The following EEF1AKMT1 variants were observed in gnomAD, a reference collection of about 807,000 sequenced individuals.
The protein encoded by EEF1AKMT1 is EEF1A lysine methyltransferase 1, also known as N-6 adenine-specific DNA methyltransferase 2 (putative).
EEF1AKMT1 carries 18 observed loss-of-function variants against 21.0 expected under a neutral mutation model. The observed-to-expected ratio is 0.86, with a 90% confidence interval of 0.59 to 1.27. EEF1AKMT1 has a LOEUF of 1.27. EEF1AKMT1 is among the 50% of genes most tolerant of loss of function. EEF1AKMT1 has a pLI of 0.00. For synonymous variants in EEF1AKMT1, 109 were observed against 94.8 expected, an observed-to-expected ratio of 1.15 and a Z score of -0.87; for missense variants, 246 against 258.6, an observed-to-expected ratio of 0.95 and a Z score of 0.33.
At chr13:20,738,975 C>T (rs774167102) in intron 2 of EEF1AKMT1, among the ~76,000 whole-genome samples, 9 of 152,304 alleles carry the variant, frequency 5.9e-5, no homozygotes, top group Middle Eastern at 3.4e-3. Flanking sequence ...TGGACCCTCA[C>T]GATGAGTGTG....
At chr13:20,759,611 A>C (rs9552273) in intron 1 of EEF1AKMT1, among the ~76,000 whole-genome samples, 42,941 of 129,182 alleles carry the variant, frequency 0.33, 7,621 homozygotes, top group East Asian at 0.76. Flanking sequence ...AACGAAACAA[A>C]AAAAAAAAGA....
intron 2 of EEF1AKMT1, among the ~76,000 whole-genome samples, chr13:20,739,692 T>C (rs913667640): frequency 2.0e-5 from 3 of 152,208 alleles, no homozygotes; most frequent in African/African-American, 4.8e-5. Context: ...TACAATCCTT[T>C]AGCTAGACAC....
intron 1 of EEF1AKMT1, among the ~76,000 whole-genome samples, chr13:20,764,064 A>C (rs756070369): frequency 1.3e-4 from 20 of 151,992 alleles, no homozygotes; most frequent in Non-Finnish European, 2.8e-4. Context: ...AAGTTTTTGC[A>C]TCATTGACTT....
intron 4 of EEF1AKMT1, among the ~76,000 whole-genome samples, chr13:20,729,487 TAC>T (rs71198993): frequency 5.6e-4 from 84 of 150,618 alleles, no homozygotes; most frequent in East Asian, 2.9e-3. Flanking sequence ...AAGCAGATTA[TAC>T]ACACACACAC....
At chr13:20,752,012 T>C (rs985796954) in intron 2 of EEF1AKMT1, among the ~76,000 whole-genome samples, 1 of 152,176 alleles carries the variant, frequency 6.6e-6, no homozygotes, top group Admixed American at 6.5e-5. Context: ...TGCAATCTTA[T>C]TGAATTTATA....
At chr13:20,770,768 C>A (rs2059058662) in intron 1 of EEF1AKMT1, among the ~76,000 whole-genome samples, 1 of 151,966 alleles carries the variant, frequency 6.6e-6, no homozygotes, top group Admixed American at 6.6e-5. Context: ...ACAATACTGC[C>A]TAGAACTGAA....
chr13:20,741,311 G>C (rs1293922466), intron 2 of EEF1AKMT1, among the ~76,000 whole-genome samples: 1 of 151,866 alleles, frequency 6.6e-6, no homozygotes, highest in Non-Finnish European at 1.5e-5. Context: ...TCTCATCTTT[G>C]CTCCAGTTCC....
chr13:20,753,295 G>A (rs28830547), intron 2 of EEF1AKMT1, among the ~76,000 whole-genome samples: 14,162 of 152,138 alleles, frequency 0.093, 808 homozygotes, highest in Non-Finnish European at 0.13. Context: ...GACCTGAGAA[G>A]ATATCTGACA....
In EEF1AKMT1 at chr13:20,757,524, A is replaced by G; in HGVS notation, c.75T>C (p.Ala25=). Reference sequence around the variant, plus strand: ...CTGGCTCAATTTGTTGCTTTTGCTCAGCATAAAATTCCTGGAGAGCTGCTA... The same window carrying G: ...CTGGCTCAATTTGTTGCTTTTGCTCGGCATAAAATTCCTGGAGAGCTGCTA... The part of the protein sequence containing the change: ...HALAALQEFY[A]EQKQQIEPGE... Residue 25 remains alanine (A), a synonymous_variant, in exon 2 of 5, where the codon GCT becomes GCC. Coordinates refer to ENST00000382758, the MANE Select transcript of EEF1AKMT1 (RefSeq NM_001318939.2). The G allele has an allele frequency of 6.2e-7, 1 of 1,614,164 alleles. No individual in the cohort carries two copies. The highest frequency in any genetic ancestry group is 8.5e-7 in the Non-Finnish European group (1 of 1,180,014).
At chr13:20,756,291 G>C (rs2058971233) in intron 2 of EEF1AKMT1, among the ~76,000 whole-genome samples, 1 of 151,600 alleles carries the variant, frequency 6.6e-6, no homozygotes, top group South Asian at 2.1e-4. Context: ...AAAATTATAG[G>C]TTCCAGGTCA....
intron 4 of EEF1AKMT1, among the ~76,000 whole-genome samples, chr13:20,730,812 AAGCTGGCCACCCCGC>A (rs1485042127): frequency 2.0e-5 from 3 of 152,154 alleles, no homozygotes; most frequent in African/African-American, 7.2e-5. Context: ...GAGGGAATAA[AAGCTGGCCACCCCGC>A]AGCCAGCAGT....
In EEF1AKMT1 at chr13:20,757,541, G is replaced by A; in HGVS notation, c.58C>T (p.Leu20Phe). 1.2e-6 allele frequency: 2 copies of A among 1,614,122 alleles called. No individual in the cohort carries two copies. Among genetic ancestry groups the A allele is most frequent in the Non-Finnish European group, 1.7e-6 (2 of 1,180,010 alleles). Residue 20 changes from leucine to phenylalanine, a missense_variant, in exon 2 of 5, where the codon CTC becomes TTC. Physicochemically the swap from Leu to Phe is conservative, Grantham distance 22 (BLOSUM62 0). Transcript: ENST00000382758. The stretch of plus-strand genomic sequence containing the variant: ...TTTTGCTCAGCATAAAATTCCTGGA[G>A]AGCTGCTAAGGCATGGGCAGAAAGC... ...PQLSAHALAA[L>F]QEFYAEQKQQ... is the part of the protein sequence containing the mutation.
intron 1 of EEF1AKMT1, among the ~76,000 whole-genome samples, chr13:20,771,144 T>G (rs1214729204): frequency 6.6e-6 from 1 of 152,204 alleles, no homozygotes; most frequent in African/African-American, 2.4e-5. Flanking sequence ...AGTGCTAAGA[T>G]TACAAACATG....
At chr13:20,739,864 C>T (rs2141417586) in intron 2 of EEF1AKMT1, among the ~76,000 whole-genome samples, 1 of 152,372 alleles carries the variant, frequency 6.6e-6, no homozygotes, top group Middle Eastern at 3.4e-3. Context: ...GCCCAGCTGG[C>T]TTCACCTAGT....
At chr13:20,773,457 G>A (rs2141445681) in intron 1 of EEF1AKMT1, among the ~76,000 whole-genome samples, 1 of 152,362 alleles carries the variant, frequency 6.6e-6, no homozygotes, top group African/African-American at 2.4e-5. Context: ...GACAGGCGCC[G>A]CGGGTGCCCG....
chr13:20,731,486 C>G (rs1052026135), intron 4 of EEF1AKMT1, among the ~76,000 whole-genome samples: 1 of 152,178 alleles, frequency 6.6e-6, no homozygotes, highest in African/African-American at 2.4e-5. Flanking sequence ...TCTGTAACCT[C>G]AGGCAATTCA....
chr13:20,769,051 G>C (rs1314269345), intron 1 of EEF1AKMT1: 1 of 152,032 alleles, frequency 6.6e-6, no homozygotes, highest in African/African-American at 2.4e-5. Context: ...GATGTCCCCT[G>C]TTGGGCATAA....
At chr13:20,763,791 C>T (rs1254180476) in intron 1 of EEF1AKMT1, among the ~76,000 whole-genome samples, 1 of 152,078 alleles carries the variant, frequency 6.6e-6, no homozygotes, top group African/African-American at 2.4e-5. Flanking sequence ...ACTGCAAATT[C>T]AATTTAATAC....
rs1566525186 is a variant in EEF1AKMT1 at position 20,729,151 on chromosome 13, GT to G, written c.573del (p.Arg191SerfsTer14). Reference protein sequence around the residue: ...LGVKMCTFVPRHTRNLANEFR... With the variant: ...LGVKMCTFVPXHTRNLANEFR... The stretch of plus-strand genomic sequence containing the variant: ...AACTCATTTGCCAAGTTCCGGGTGT[GT>G]CTTGGAACAAACGTGCACATCTTCA... On this transcript the variant is annotated frameshift_variant, in exon 5 of 5. Coordinates refer to ENST00000382758, the MANE Select transcript of EEF1AKMT1 (RefSeq NM_001318939.2). LOFTEE classifies it high-confidence loss of function. 1 of 1,614,176 alleles carries G rather than the reference GT, an allele frequency of 6.2e-7. No individual in the cohort carries two copies.
Sources: allele counts gnomAD v4.1 joint callset (sites outside exome capture counted in the v4.1 genomes callset), GRCh38; gene constraint gnomAD v4.1.1; transcripts MANE v1.5; gene names NCBI Gene and HGNC (gene_info 2026-07-23, HGNC 2026-07-21).